Variants in FAF1 observed in about 807,000 individuals in gnomAD.
FAF1 encodes Fas associated factor 1, also known as FAS-associated factor 1.
Under a neutral mutation model 92.5 loss-of-function variants are expected in FAF1, and 25 were observed. The ratio of observed to expected loss-of-function variants is 0.27; its 90% CI spans 0.20 to 0.38. The LOEUF (loss-of-function observed/expected upper bound fraction) is 0.38. Ranked by LOEUF, FAF1 falls within the 10% of genes least tolerant of loss-of-function variation. FAF1 has a pLI of 1.00. For missense variants in FAF1, 636 were observed against 793.3 expected, an observed-to-expected ratio of 0.80 and a Z score of 2.38; for synonymous variants, 234 against 273.2, an observed-to-expected ratio of 0.86 and a Z score of 1.42.
chr1:50,503,617 T>A lies in FAF1; in HGVS notation c.1495-11816A>T, dbSNP rs542450117. Among the ~76,000 whole-genome samples, 323 of 128,578 alleles carry A rather than the reference T, an allele frequency of 2.5e-3. 3 individuals carry two copies. The highest frequency in any genetic ancestry group is 0.015 in the South Asian group (61 of 4,052). The allele number at this position is 128,578 out of a possible 152,430, so 84.4% of individuals were successfully genotyped here. On this transcript the variant is annotated intron_variant, in intron 15 of 18. Transcript: ENST00000396153. ...GCAACAGAGTGATTCCCTGTCTCTTTAAAAAAAAAAAAAAAATTGCTAAAA... is the reference window on the plus strand; with the variant it reads ...GCAACAGAGTGATTCCCTGTCTCTTAAAAAAAAAAAAAAAAATTGCTAAAA...
At chr1:50,709,612 A>T (rs749986453) in intron 6 of FAF1, among the ~76,000 whole-genome samples, 1 of 152,150 alleles carries the variant, frequency 6.6e-6, no homozygotes, top group African/African-American at 2.4e-5. Flanking sequence ...CCTGGTCATC[A>T]AGCTACAAAG....
At chr1:50,714,808 T>G (rs188888681) in intron 6 of FAF1, among the ~76,000 whole-genome samples, 65 of 152,296 alleles carry the variant, frequency 4.3e-4, no homozygotes, top group African/African-American at 1.5e-3. Flanking sequence ...AACTCTAAGC[T>G]CTGTCTATTT....
chr1:50,846,132 AGAAAC>A (rs1644296870), intron 2 of FAF1, among the ~76,000 whole-genome samples: 1 of 152,158 alleles, frequency 6.6e-6, no homozygotes, highest in Non-Finnish European at 1.5e-5. Context: ...AGAAAGGAAA[AGAAAC>A]GAAAAAGGAA....
chr1:50,638,904 T>C (rs1654191241), intron 8 of FAF1, among the ~76,000 whole-genome samples: 1 of 152,232 alleles, frequency 6.6e-6, no homozygotes, highest in Admixed American at 6.5e-5. Context: ...TGCACAATAT[T>C]CCAATAAGCA....
At chr1:50,911,324 G>A (rs559830955) in intron 1 of FAF1, among the ~76,000 whole-genome samples, 7 of 150,886 alleles carry the variant, frequency 4.6e-5, no homozygotes, top group South Asian at 2.1e-4. Context: ...TGCCTGCCTC[G>A]GCCTCCCAAA....
At chr1:50,540,908 T>G (rs1318610748) in intron 13 of FAF1, among the ~76,000 whole-genome samples, 1 of 152,230 alleles carries the variant, frequency 6.6e-6, no homozygotes, top group Non-Finnish European at 1.5e-5. Context: ...TTAATTATGT[T>G]CATGAAAGGC....
In FAF1 at chr1:50,927,243, A is replaced by C. The variant is rs78291486; in HGVS notation, c.45+32524T>G. On this transcript the variant is annotated intron_variant, in intron 1 of 18. Transcript: ENST00000396153. ...TATGTTTAAAATGGCAAAAAGGGTA[A>C]ATTTTATGTTATGTATATTTTACCA... is the stretch of plus-strand genomic sequence containing the variant. Among the ~76,000 whole-genome samples, 1,173 of 152,286 alleles carry C rather than the reference A, an allele frequency of 7.7e-3. 13 individuals are homozygous for C. Among genetic ancestry groups the C allele is most frequent in the African/African-American group, 0.027 (1,133 of 41,536 alleles).
At chr1:50,511,423 G>A (rs969848719) in intron 15 of FAF1, among the ~76,000 whole-genome samples, 1 of 151,842 alleles carries the variant, frequency 6.6e-6, no homozygotes, top group African/African-American at 2.4e-5. Context: ...ACAGGCCCCG[G>A]TGTGTGATAT....
chr1:50,497,611 T>G (rs1401793228), intron 15 of FAF1, among the ~76,000 whole-genome samples: 2 of 143,006 alleles, frequency 1.4e-5, no homozygotes, highest in South Asian at 2.3e-4. Context: ...TGCAGTGGTG[T>G]GATCTCGGCT....
chr1:50,722,567 T>C (rs568202166), intron 6 of FAF1, among the ~76,000 whole-genome samples: 13 of 148,354 alleles, frequency 8.8e-5, no homozygotes, highest in Non-Finnish European at 1.8e-4. Context: ...GAGAATGGCA[T>C]GAACCTGGGC....
At chr1:50,729,056 A>ATTTTTTTTTTT in intron 6 of FAF1, among the ~76,000 whole-genome samples, 1 of 105,794 alleles carries the variant, frequency 9.5e-6, no homozygotes, top group African/African-American at 4.5e-5. Context: ...ATATATATAT[A>ATTTTTTTTTTT]TATTTTTTTT....
Position 50,910,714 on chromosome 1 carries a change from C to T in FAF1, c.45+49053G>A, listed in dbSNP as rs555142080. ...CGCGGGATTAATCTGGTGTGCCGTT[C>T]GCTAAGACCATTGGAAAAGCGCAGT... On this transcript the variant is annotated intron_variant, in intron 1 of 18. Transcript: ENST00000396153. Among the ~76,000 whole-genome samples, 10 of 151,878 alleles carry T rather than the reference C, an allele frequency of 6.6e-5. No homozygotes were observed. The South Asian group carries it at 1.0e-3, about 16-fold the overall frequency.
chr1:50,833,834 A>T (rs962206946), intron 2 of FAF1, among the ~76,000 whole-genome samples: 2 of 152,192 alleles, frequency 1.3e-5, no homozygotes, highest in African/African-American at 4.8e-5. Flanking sequence ...ATCTGCCCTT[A>T]CCATCTCAAA....
At chr1:50,713,439 A>C (rs974020154) in intron 6 of FAF1, among the ~76,000 whole-genome samples, 7 of 151,660 alleles carry the variant, frequency 4.6e-5, no homozygotes, top group African/African-American at 1.7e-4. Flanking sequence ...ACACCTGGCT[A>C]ATTTTTGTAT....
chr1:50,556,878 T>TA (rs1158747031), intron 13 of FAF1, among the ~76,000 whole-genome samples: 4 of 150,084 alleles, frequency 2.7e-5, no homozygotes, highest in Admixed American at 1.3e-4. Flanking sequence ...TAAAATAAAA[T>TA]AAATAAAATA....
chr1:50,550,211 CATGGTGG>C (rs1649243837), intron 13 of FAF1, among the ~76,000 whole-genome samples: 1 of 151,882 alleles, frequency 6.6e-6, no homozygotes, highest in Non-Finnish European at 1.5e-5. Context: ...ATTAGCCGGG[CATGGTGG>C]CAGGCACCTG....
chr1:50,846,407 C>A, intron 2 of FAF1: 1 of 378,864 alleles, frequency 2.6e-6, no homozygotes, highest in Non-Finnish European at 5.1e-6. Context: ...TCCCTGCCAT[C>A]CCGCCCCTTC....
At chr1:50,874,723 T>A (rs1054954471) in intron 1 of FAF1, among the ~76,000 whole-genome samples, 1 of 150,700 alleles carries the variant, frequency 6.6e-6, no homozygotes, top group African/African-American at 2.4e-5. Flanking sequence ...ATGATTTAAG[T>A]CTCCATCCCT....
At chr1:50,490,936 A>G (rs1326416232) in intron 16 of FAF1, among the ~76,000 whole-genome samples, 1 of 152,088 alleles carries the variant, frequency 6.6e-6, no homozygotes, top group Non-Finnish European at 1.5e-5. Flanking sequence ...GGCATTCAAG[A>G]TCCTTCAGGA....
Sources: allele counts gnomAD v4.1 joint callset (sites outside exome capture counted in the v4.1 genomes callset), GRCh38; gene constraint gnomAD v4.1.1; transcripts MANE v1.5; gene names NCBI Gene and HGNC (gene_info 2026-07-23, HGNC 2026-07-21).